The following DPYD variants were observed in gnomAD, a reference collection of about 807,000 sequenced individuals.
The protein encoded by DPYD is dihydropyrimidine dehydrogenase.
A neutral mutation model predicts 116.2 loss-of-function variants in DPYD; 109 were observed. The observed-to-expected ratio is 0.94, with a 90% CI of 0.80 to 1.10. The LOEUF (loss-of-function observed/expected upper bound fraction) is 1.10. DPYD is among the 50% of genes least tolerant of loss of function. DPYD has a pLI of 0.00. For synonymous variants in DPYD, 440 were observed against 432.0 expected, an observed-to-expected ratio of 1.02 and a Z score of -0.23; for missense variants, 1,302 against 1,254.5, an observed-to-expected ratio of 1.04 and a Z score of -0.57.
Position 97,098,397 on chromosome 1 carries a change from T to A in DPYD, c.2766+92A>T, listed in dbSNP as rs577188291. On this transcript the variant is annotated intron_variant, in intron 21 of 22. Coordinates refer to ENST00000370192, the MANE Select transcript of DPYD (RefSeq NM_000110.4). ...CATTATAATTCTAAAACCAAATTAG[T>A]GATACATTTAAGCAGTAAATAAACA... 6.3e-6 allele frequency: 9 copies of A among 1,439,042 alleles called. No homozygotes were observed. The East Asian group carries it at 2.1e-4, about 33-fold the overall frequency. The allele number at this position is 1,439,042 out of a possible 1,614,324, so 89.1% of individuals were successfully genotyped here. A position where few individuals can be genotyped will look rare whatever the true frequency, so the allele number is the denominator to read the frequency against.
At chr1:97,430,254 G>T (rs1446168252) in intron 14 of DPYD, among the ~76,000 whole-genome samples, 20 of 152,108 alleles carry the variant, frequency 1.3e-4, no homozygotes, top group Admixed American at 1.3e-3. Context: ...ACAACTATGA[G>T]AATGAAGTCG....
intron 3 of DPYD, among the ~76,000 whole-genome samples, chr1:97,751,454 GTGTGTGTATATA>G (rs1355318692): frequency 3.4e-5 from 1 of 29,408 alleles, no homozygotes; most frequent in African/African-American, 1.1e-4. Flanking sequence ...GTGTGTGTGT[GTGTGTGTATATA>G]TATATATATA....
chr1:97,650,553 G>T (rs1045948607), intron 8 of DPYD, among the ~76,000 whole-genome samples: 1 of 152,072 alleles, frequency 6.6e-6, no homozygotes, highest in Non-Finnish European at 1.5e-5. Context: ...TTTAGTTTAT[G>T]ATGGTGATTA....
chr1:97,917,690 G>A (rs1674283162), intron 1 of DPYD, among the ~76,000 whole-genome samples: 1 of 152,130 alleles, frequency 6.6e-6, no homozygotes, highest in African/African-American at 2.4e-5. Flanking sequence ...GATTGTGACT[G>A]TGGTAGCAGT....
chr1:97,660,794 GA>G (rs201012963), intron 8 of DPYD, among the ~76,000 whole-genome samples: 68 of 151,790 alleles, frequency 4.5e-4, no homozygotes, highest in African/African-American at 1.5e-3. Flanking sequence ...GTGTCAATGG[GA>G]AAAAAAATAT....
intron 16 of DPYD, among the ~76,000 whole-genome samples, chr1:97,312,336 T>C (rs1667570506): frequency 6.6e-6 from 1 of 151,828 alleles, no homozygotes; most frequent in South Asian, 2.1e-4. Context: ...AATTAATAAC[T>C]CCTTTTTAAG....
chr1:97,748,101 T>C (rs1482855032), intron 3 of DPYD, among the ~76,000 whole-genome samples: 4 of 152,154 alleles, frequency 2.6e-5, no homozygotes, highest in African/African-American at 9.6e-5. Context: ...ATAGTAGACA[T>C]CTGACAAACA....
At chr1:97,576,668 T>C (rs927024787) in intron 10 of DPYD, among the ~76,000 whole-genome samples, 1 of 152,228 alleles carries the variant, frequency 6.6e-6, no homozygotes, top group Non-Finnish European at 1.5e-5. Flanking sequence ...TAACCATATA[T>C]AGTTACAAAC....
Position 97,098,486 on chromosome 1 carries a change from T to A in DPYD, c.2766+3A>T, listed in dbSNP as rs759732624. ...ATACTTATATAGTTGGCATAATTTTTACCTTGATGGTAGGAATAGGCCTTT... is the reference window on the plus strand; with the variant it reads ...ATACTTATATAGTTGGCATAATTTTAACCTTGATGGTAGGAATAGGCCTTT... On this transcript the variant is annotated splice_donor_region_variant and intron_variant, in intron 21 of 22. Coordinates refer to ENST00000370192, the MANE Select transcript of DPYD (RefSeq NM_000110.4). 7.4e-6 allele frequency: 12 copies of A among 1,612,574 alleles called. No homozygotes were observed. Among genetic ancestry groups the A allele is most frequent in the Non-Finnish European group, 9.3e-6 (11 of 1,179,096 alleles).
chr1:97,747,823 C>T (rs138364266), intron 3 of DPYD, among the ~76,000 whole-genome samples: 195 of 152,256 alleles, frequency 1.3e-3, no homozygotes, highest in African/African-American at 4.4e-3. Context: ...TTTGACTTCA[C>T]TTTACTGGTT....
At chr1:97,683,261 G>C (rs1660521380) in intron 7 of DPYD, among the ~76,000 whole-genome samples, 1 of 151,840 alleles carries the variant, frequency 6.6e-6, no homozygotes, top group Non-Finnish European at 1.5e-5. Context: ...TTAGCTATTA[G>C]TGTACATGTT....
chr1:97,740,591 AT>A, intron 3 of DPYD, 112 bp from the exon 4 acceptor site: 2 of 928,530 alleles, frequency 2.2e-6, no homozygotes, highest in Non-Finnish European at 3.4e-6. Flanking sequence ...AAATCGTATC[AT>A]TTTTAGGTAC....
In DPYD at chr1:97,721,857, G is replaced by C. The variant is rs182927103; in HGVS notation, c.322-186C>G. Among the ~76,000 whole-genome samples, 52 of 151,590 alleles carry C rather than the reference G, an allele frequency of 3.4e-4. 1 individual carries two copies. The East Asian group carries it at 4.5e-3, about 13-fold the overall frequency. On this transcript the variant is annotated intron_variant, in intron 4 of 22. Coordinates refer to ENST00000370192, the MANE Select transcript of DPYD (RefSeq NM_000110.4). ...AACTTAGCAGAGTATTTGACACATA[G>C]GAATATTCAATGCACAGTATGTTGA...
At chr1:97,776,548 T>C (rs1048386631) in intron 3 of DPYD, among the ~76,000 whole-genome samples, 16 of 152,206 alleles carry the variant, frequency 1.1e-4, no homozygotes, top group African/African-American at 3.9e-4. Flanking sequence ...ATTGGATTAT[T>C]TTCCCAAGAC....
intron 18 of DPYD, among the ~76,000 whole-genome samples, chr1:97,258,377 A>AT (rs1321935220): frequency 6.6e-6 from 1 of 152,192 alleles, no homozygotes; most frequent in Non-Finnish European, 1.5e-5. Context: ...AGGCAAGTGA[A>AT]TAAATACTTT....
chr1:97,637,595 A>G (rs1228568267), intron 8 of DPYD, among the ~76,000 whole-genome samples: 1 of 152,046 alleles, frequency 6.6e-6, no homozygotes, highest in African/African-American at 2.4e-5. Flanking sequence ...GGAGACATAT[A>G]TATTATTTTG....
intron 14 of DPYD, among the ~76,000 whole-genome samples, chr1:97,395,161 T>C (rs1431362808): frequency 6.7e-6 from 1 of 150,118 alleles, no homozygotes; most frequent in Non-Finnish European, 1.5e-5. Context: ...TGTATTTGTT[T>C]ATATATTTTA....
At chr1:97,207,605 G>T (rs754746232) in intron 19 of DPYD, among the ~76,000 whole-genome samples, 22 of 152,008 alleles carry the variant, frequency 1.4e-4, no homozygotes, top group Non-Finnish European at 2.8e-4. Flanking sequence ...CCCTATAAAA[G>T]ATCTCATTTA....
chr1:97,753,752 A>G (rs192908380), intron 3 of DPYD, among the ~76,000 whole-genome samples: 3 of 152,250 alleles, frequency 2.0e-5, no homozygotes, highest in Admixed American at 2.0e-4. Flanking sequence ...CAGTAGAAAT[A>G]CTAGACAAAA....
Sources: allele counts gnomAD v4.1 joint callset (sites outside exome capture counted in the v4.1 genomes callset), GRCh38; gene constraint gnomAD v4.1.1; transcripts MANE v1.5; gene names NCBI Gene and HGNC (gene_info 2026-07-23, HGNC 2026-07-21).